The following ARHGEF2 variants were observed in gnomAD, a reference collection of about 807,000 sequenced individuals.
ARHGEF2 encodes the protein rho guanine nucleotide exchange factor 2.
In ARHGEF2, 22 loss-of-function variants were observed where a neutral mutation model predicts 121.0. That is an observed-to-expected ratio of 0.18 (90% CI 0.13 to 0.26). The LOEUF (loss-of-function observed/expected upper bound fraction) is 0.26. Among genes scored for constraint, ARHGEF2 ranks in the 10% least tolerant of loss-of-function variants. The probability of loss-of-function intolerance (pLI) is 1.00; values close to 1 mark genes in which losing one functional copy is unlikely to be tolerated. For missense variants in ARHGEF2, 907 were observed against 1,336.0 expected (o/e 0.68, Z 5.01); for synonymous variants, 487 against 530.0 (o/e 0.92, Z 1.11).
In ARHGEF2 at chr1:155,962,217, C is replaced by T; in HGVS notation, c.1107G>A (p.Val369=). ...GCCGCTTGAGCACGGCGGGGCGGGT[C>T]ACTTTCTACAAGGGAGGAGGCAGGG... The part of the protein sequence containing the change: ...DKRFQQFIRK[V]TRPAVLKRHG... Residue 369 remains valine, a synonymous_variant, in exon 10 of 22, where the codon GTG becomes GTA. Coordinates refer to ENST00000361247, the MANE Select transcript of ARHGEF2 (RefSeq NM_001162383.2). This position sits in a 1 kb window ranked among gnomAD's most constrained non-coding sequence, Gnocchi z 5.8. 1 of 1,613,808 alleles carries T rather than the reference C, an allele frequency of 6.2e-7. No individual in the cohort carries two copies. The highest frequency in any genetic ancestry group is 8.5e-7 in the Non-Finnish European group (1 of 1,179,934).
chr1:155,964,197 TAC>T (rs1246769164), intron 7 of ARHGEF2, among the ~76,000 whole-genome samples: 57 of 116,724 alleles, frequency 4.9e-4, no homozygotes, highest in African/African-American at 1.8e-3. Context: ...TATATATATA[TAC>T]ATATATATAT....
intron 2 of ARHGEF2, chr1:155,968,502 A>C (rs1339392499): frequency 1.3e-5 from 2 of 152,176 alleles, no homozygotes; most frequent in Non-Finnish European, 2.9e-5. Context: ...TTCCTGGCTT[A>C]TACTCCCTAA....
intron 13 of ARHGEF2, 35 bp from the exon 14 acceptor site, chr1:155,955,004 C>T: frequency 6.3e-7 from 1 of 1,583,262 alleles, no homozygotes; most frequent in Non-Finnish European, 8.6e-7. Context: ...CATTGAGAGA[C>T]AGAAGCTAGG....
intron 7 of ARHGEF2, among the ~76,000 whole-genome samples, chr1:155,963,662 AAATTTTATTATT>A (rs1419348389): frequency 4.7e-5 from 5 of 107,252 alleles, no homozygotes; most frequent in African/African-American, 1.5e-4. Context: ...TATCTTTCAA[AAATTTTATTATT>A]ATTTTTTTTT....
intron 11 of ARHGEF2, among the ~76,000 whole-genome samples, chr1:155,959,328 A>G (rs1005344613): frequency 3.3e-5 from 5 of 151,208 alleles, no homozygotes; most frequent in Admixed American, 6.6e-5. Context: ...GGCTCACTGC[A>G]ACTTCTGTCT....
chr1:155,975,702 C>T (rs987981177), intron 1 of ARHGEF2, among the ~76,000 whole-genome samples: 20 of 152,180 alleles, frequency 1.3e-4, no homozygotes, highest in African/African-American at 4.1e-4. Flanking sequence ...AAGAAATAGT[C>T]GCTCTGCACA....
chr1:155,948,134 C>G lies in ARHGEF2; in HGVS notation c.2888-119G>C, dbSNP rs1674692529. Reference sequence around the variant, plus strand: ...GGGCTCTGGGGCTGTGAAGGGATGACAGGGTTCTGTAAATTCTTGGGTGAG... The same window carrying G: ...GGGCTCTGGGGCTGTGAAGGGATGAGAGGGTTCTGTAAATTCTTGGGTGAG... On this transcript the variant is annotated intron_variant, in intron 21 of 21. Transcript: ENST00000361247. 17 of 726,288 alleles carry G rather than the reference C, an allele frequency of 2.3e-5. 1 individual carries two copies. In the South Asian group the frequency reaches 3.9e-4, roughly 17 times the overall value. 45.0% of individuals were successfully genotyped at this position (726,288 alleles called of 1,614,324 possible). A position where few individuals can be genotyped will look rare whatever the true frequency, so the allele number is the denominator to read the frequency against.
At position 155,963,192 on chromosome 1, in the gene ARHGEF2, G is replaced by C; in HGVS notation, c.725-9C>G. ...CTCTGTCTGGATTAGCTCTGTGGGG[G>C]ACATTGGGACATTTGGCCTCTACCC... On this transcript the variant is annotated splice_polypyrimidine_tract_variant and intron_variant, in intron 7 of 21. Transcript: ENST00000361247. The C allele has an allele frequency of 1.2e-6, 2 of 1,603,338 alleles. No homozygotes were observed. Among genetic ancestry groups the C allele is most frequent in the African/African-American group, 2.7e-5 (2 of 74,862 alleles).
chr1:155,965,231 C>T lies in ARHGEF2; in HGVS notation c.580+72G>A. On this transcript the variant is annotated intron_variant, in intron 6 of 21. Transcript: ENST00000361247. This position sits in a 1 kb window ranked among gnomAD's most constrained non-coding sequence, Gnocchi z 6.0. ...CTTCCCTCCTTGTCCTTCCAGGCTACTCCCACCAGCCTCTCATCCCCCAGC... is the reference window on the plus strand; with the variant it reads ...CTTCCCTCCTTGTCCTTCCAGGCTATTCCCACCAGCCTCTCATCCCCCAGC... 1 of 1,604,598 alleles carries T rather than the reference C, an allele frequency of 6.2e-7. No homozygotes were observed. The highest frequency in any genetic ancestry group is 1.1e-5 in the South Asian group (1 of 90,750).
Position 155,951,799 on chromosome 1 carries a change from G to T in ARHGEF2, c.2173-23C>A. 1 of 1,613,628 alleles carries T rather than the reference G, an allele frequency of 6.2e-7. No homozygotes were observed. The highest frequency in any genetic ancestry group is 8.5e-7 in the Non-Finnish European group (1 of 1,179,968). On this transcript the variant is annotated intron_variant, in intron 17 of 21. Coordinates refer to ENST00000361247, the MANE Select transcript of ARHGEF2 (RefSeq NM_001162383.2). The surrounding 1 kb of genome is among the most constrained non-coding windows in gnomAD (Gnocchi z 5.1). Reference sequence around the variant, plus strand: ...ATCCTGCAGAAATGGGCAAGAATGGGGAGTCAGCAGGCACACAAATCCTGG... The same window carrying T: ...ATCCTGCAGAAATGGGCAAGAATGGTGAGTCAGCAGGCACACAAATCCTGG...
chr1:155,955,475 A>G (rs1290091570), intron 13 of ARHGEF2, among the ~76,000 whole-genome samples: 2 of 152,022 alleles, frequency 1.3e-5, no homozygotes, highest in Non-Finnish European at 1.5e-5. Context: ...TATCTCTCCA[A>G]AGGTCGCTTG....
Position 155,962,026 on chromosome 1 carries a change from C to A in ARHGEF2, c.1219+79G>T, listed in dbSNP as rs1678055768. 4 of 1,604,128 alleles carry A rather than the reference C, an allele frequency of 2.5e-6. No homozygotes were observed. Among genetic ancestry groups the A allele is most frequent in the Non-Finnish European group, 3.4e-6 (4 of 1,172,536 alleles). Reference sequence around the variant, plus strand: ...CCAGGGTTTCACACCCGACCCCACCCTTCCTGTGGTCATACCGAGCCTTTC... The same window carrying A: ...CCAGGGTTTCACACCCGACCCCACCATTCCTGTGGTCATACCGAGCCTTTC... On this transcript the variant is annotated intron_variant, in intron 10 of 21. Coordinates refer to ENST00000361247, the MANE Select transcript of ARHGEF2 (RefSeq NM_001162383.2). The surrounding 1 kb of genome is among the most constrained non-coding windows in gnomAD (Gnocchi z 5.8).
At chr1:155,970,307 G>T in intron 1 of ARHGEF2, 1 of 985,518 alleles carries the variant, frequency 1.0e-6, no homozygotes, top group South Asian at 4.7e-5. Flanking sequence ...CCCTGCCTCT[G>T]CAAGTCAAGT....
At chr1:155,974,302 A>G (rs1680960283) in intron 1 of ARHGEF2, among the ~76,000 whole-genome samples, 1 of 152,112 alleles carries the variant, frequency 6.6e-6, no homozygotes, top group Non-Finnish European at 1.5e-5. Context: ...CCCTTCCCCA[A>G]GATGGTGACA....
At chr1:155,958,256 AG>A (rs1421101787) in intron 12 of ARHGEF2, 63 bp downstream of exon 12, 51 of 1,392,270 alleles carry the variant, frequency 3.7e-5, no homozygotes, top group Non-Finnish European at 5.0e-5. Context: ...GGGCTTGGGC[AG>A]GAAAGCAAGA....
Position 155,961,162 on chromosome 1 carries a change from T to C in ARHGEF2, c.1468+499A>G, listed in dbSNP as rs115679474. Among the ~76,000 whole-genome samples, 1,222 of 152,302 alleles carry C rather than the reference T, an allele frequency of 8.0e-3. 16 individuals carry two copies. Among genetic ancestry groups the C allele is most frequent in the African/African-American group, 0.028 (1,167 of 41,560 alleles). ...TATAAAATACTGATAGGGAAGGCCC[T>C]GTATGGTCCATAAAGTTAACTGCAG... On this transcript the variant is annotated intron_variant, in intron 11 of 21. Transcript: ENST00000361247. This position sits in a 1 kb window ranked among gnomAD's most constrained non-coding sequence, Gnocchi z 4.7.
At chr1:155,955,002 G>A (rs767059033) in intron 13 of ARHGEF2, 33 bp from the exon 14 acceptor site, 1 of 1,585,620 alleles carries the variant, frequency 6.3e-7, no homozygotes, top group Non-Finnish European at 8.6e-7. Flanking sequence ...GCCATTGAGA[G>A]ACAGAAGCTA....
At chr1:155,968,933 C>T (rs987856060) in intron 2 of ARHGEF2, 7 of 545,708 alleles carry the variant, frequency 1.3e-5, no homozygotes, top group South Asian at 5.0e-5. Context: ...GCCTCCCCTC[C>T]CCCACATTCC....
chr1:155,960,995 C>T (rs1165698831), intron 11 of ARHGEF2, among the ~76,000 whole-genome samples: 1 of 152,168 alleles, frequency 6.6e-6, no homozygotes, highest in Non-Finnish European at 1.5e-5. Flanking sequence ...GGCTGCGCTC[C>T]CCAAAGCTCT....
Sources: gnomAD v4.1 joint callset for allele counts (sites outside exome capture counted in the v4.1 genomes callset) on GRCh38, gnomAD v4.1.1 for gene constraint, Gnocchi (gnomAD v3.1) non-coding constraint, MANE v1.5 for transcripts, NCBI Gene and HGNC (gene_info 2026-07-23, HGNC 2026-07-21) for gene names.